Variants in TPP2 observed in about 807,000 individuals in gnomAD.
TPP2 encodes the protein tripeptidyl-peptidase 2.
In TPP2, 34 loss-of-function variants were observed where a neutral mutation model predicts 155.9. That is an observed-to-expected ratio of 0.22 (90% confidence interval 0.17 to 0.29). The LOEUF (loss-of-function observed/expected upper bound fraction) is 0.29, where lower values mean the gene tolerates loss of function less well. Among genes scored for constraint, TPP2 ranks in the 10% least tolerant of loss-of-function variants. The probability of loss-of-function intolerance (pLI) is 1.00; values close to 1 mark genes in which losing one functional copy is unlikely to be tolerated. For synonymous variants in TPP2, 510 were observed against 529.4 expected (o/e 0.96, Z 0.50); for missense variants, 1,028 against 1,522.3 (o/e 0.68, Z 5.40).
At chr13:102,628,266 T>C (rs1251441201) in intron 8 of TPP2, among the ~76,000 whole-genome samples, 1 of 152,108 alleles carries the variant, frequency 6.6e-6, no homozygotes, top group African/African-American at 2.4e-5. Flanking sequence ...ACTCTGGTGT[T>C]TTTTCACTGT....
rs550926952 is a variant in TPP2, at chr13:102,673,438, A to G, written c.3372-845A>G. 2.0e-5 allele frequency among the ~76,000 whole-genome samples: 3 copies of G among 152,376 alleles called. No individual in the cohort carries two copies. The East Asian group carries it at 5.8e-4, about 29-fold the overall frequency. On this transcript the variant is annotated intron_variant, in intron 27 of 29. Transcript: ENST00000376052. The stretch of plus-strand genomic sequence containing the variant: ...CACGTGTATCTGACATAAGTTGGAC[A>G]GAATGCCTCAAATAAGCACACATTC...
At chr13:102,641,421 A>G (rs1882761376) in intron 16 of TPP2, among the ~76,000 whole-genome samples, 1 of 152,190 alleles carries the variant, frequency 6.6e-6, no homozygotes, top group Non-Finnish European at 1.5e-5. Context: ...TCCCGTCAGA[A>G]CCCTATAAGG....
intron 19 of TPP2, among the ~76,000 whole-genome samples, chr13:102,646,038 G>C (rs953356649): frequency 2.6e-5 from 4 of 152,178 alleles, no homozygotes; most frequent in African/African-American, 9.7e-5. Context: ...GTTCACATTT[G>C]AAAATGTTTT....
intron 7 of TPP2, 40 bp downstream of exon 7, chr13:102,627,206 T>G: frequency 2.6e-6 from 4 of 1,513,532 alleles, no homozygotes; most frequent in Non-Finnish European, 3.5e-6. Flanking sequence ...GATTAATGAT[T>G]AATGATCTTG....
At chr13:102,667,418 A>C (rs894947909) in intron 27 of TPP2, among the ~76,000 whole-genome samples, 1 of 152,226 alleles carries the variant, frequency 6.6e-6, no homozygotes, top group African/African-American at 2.4e-5. Context: ...CATGAGCAAG[A>C]TAGTCTCTAC....
At position 102,596,988 on chromosome 13, in the gene TPP2, TCCGCGCGCAGCCTGG is replaced by T. The variant is rs1342388226; in HGVS notation, c.-49_-35del. 1 of 1,594,746 alleles carries T rather than the reference TCCGCGCGCAGCCTGG, an allele frequency of 6.3e-7. No homozygotes were observed. The highest frequency in any genetic ancestry group is 1.1e-5 in the South Asian group (1 of 89,990). ...CGCACGGGTGTCCTCGCGCTGCTAGTCCGCGCGCAGCCTGGCAGTTTGCCGCTTCCTCGTCCTCCA... is the reference window on the plus strand; with the variant it reads ...CGCACGGGTGTCCTCGCGCTGCTAGTCAGTTTGCCGCTTCCTCGTCCTCCA... On this transcript the variant is annotated 5_prime_UTR_variant, in exon 1 of 30. Coordinates refer to ENST00000376052, the MANE Select transcript of TPP2 (RefSeq NM_001330588.2).
Position 102,633,804 on chromosome 13 carries a change from C to T in TPP2, c.1245-146C>T, listed in dbSNP as rs541209212. 8 of 1,187,336 alleles carry T rather than the reference C, an allele frequency of 6.7e-6. No individual in the cohort carries two copies. The South Asian group carries it at 1.3e-4, about 20-fold the overall frequency. 73.6% of individuals were successfully genotyped at this position (1,187,336 alleles called of 1,614,324 possible). A position where few individuals can be genotyped will look rare whatever the true frequency, so the allele number is the denominator to read the frequency against. ...TGGGTGTTTTCCCCCATTGATTCTT[C>T]ATAGTAGTATCTGTGTCACTATTTG... On this transcript the variant is annotated intron_variant, in intron 10 of 29. Transcript: ENST00000376052.
chr13:102,627,579 C>G (rs1881719044), intron 7 of TPP2, among the ~76,000 whole-genome samples: 1 of 151,004 alleles, frequency 6.6e-6, no homozygotes, highest in East Asian at 1.9e-4. Context: ...TCCATTCCCT[C>G]TACCTCTGTC....
intron 5 of TPP2, among the ~76,000 whole-genome samples, chr13:102,621,013 GA>G (rs1202480774): frequency 1.3e-5 from 2 of 152,176 alleles, no homozygotes; most frequent in African/African-American, 4.8e-5. Context: ...CTCTGTGTAT[GA>G]GCCTCATTTT....
Position 102,636,293 on chromosome 13 carries a change from G to A in TPP2, c.1579G>A (p.Val527Ile), listed in dbSNP as rs1183480413. ...FANKLGFTVT[V>I]GNNRGIYLRD... ...TAATAAATTAGGTTTTACTGTTACT[G>A]TTGGAAATAACCGTGGCATCTACCT... is the stretch of plus-strand genomic sequence containing the variant. Residue 527 changes from valine (V) to isoleucine (I), a missense_variant, in exon 13 of 30, where the codon GTT becomes ATT. Physicochemically the swap from Val to Ile is conservative, Grantham distance 29. Transcript: ENST00000376052. 2 of 1,613,722 alleles carry A rather than the reference G, an allele frequency of 1.2e-6. No individual in the cohort carries two copies. The highest frequency in any genetic ancestry group is 1.7e-6 in the Non-Finnish European group (2 of 1,179,906).
At chr13:102,661,720 A>G (rs148341962) in intron 25 of TPP2, among the ~76,000 whole-genome samples, 219 of 152,308 alleles carry the variant, frequency 1.4e-3, no homozygotes, top group East Asian at 3.3e-3. Flanking sequence ...TCAAAATCAC[A>G]ATGAAATACA....
At chr13:102,652,125 C>T (rs1018419187) in intron 24 of TPP2, among the ~76,000 whole-genome samples, 6 of 152,048 alleles carry the variant, frequency 3.9e-5, no homozygotes, top group Non-Finnish European at 5.9e-5. Flanking sequence ...CCTGTAATCC[C>T]GGCACTTTGG....
rs1424568918 is a variant in TPP2, at chr13:102,678,595, A to G, written c.*279A>G. 1 of 289,550 alleles carries G rather than the reference A, an allele frequency of 3.5e-6. No individual in the cohort carries two copies. Among genetic ancestry groups the G allele is most frequent in the South Asian group, 6.3e-5 (1 of 15,846 alleles). 17.9% of individuals were successfully genotyped at this position (289,550 alleles called of 1,614,324 possible). A position where few individuals can be genotyped will look rare whatever the true frequency, so the allele number is the denominator to read the frequency against. The stretch of plus-strand genomic sequence containing the variant: ...AGGACTTCGAGTTGGGTTGCAGCTT[A>G]TGACATGCATGATAGGTTTTGGAAG... On this transcript the variant is annotated 3_prime_UTR_variant, in exon 30 of 30. Transcript: ENST00000376052.
chr13:102,636,192 T>A, intron 12 of TPP2, 32 bp from the exon 13 acceptor site: 1 of 1,558,086 alleles, frequency 6.4e-7, no homozygotes, highest in Non-Finnish European at 8.7e-7. Context: ...ACCCAACCAT[T>A]TATATCTTAC....
intron 25 of TPP2, among the ~76,000 whole-genome samples, chr13:102,661,997 A>G (rs1884260177): frequency 6.6e-6 from 1 of 152,218 alleles, no homozygotes; most frequent in Non-Finnish European, 1.5e-5. Flanking sequence ...AGCATTATTC[A>G]TAATGGCCAA....
Position 102,637,102 on chromosome 13 carries a change from C to T in TPP2, c.1699C>T (p.Leu567Phe), listed in dbSNP as rs757976248. Residue 567 changes from leucine to phenylalanine, a missense_variant, in exon 14 of 30, where the codon CTT (leucine) becomes TTT (phenylalanine). Transcript: ENST00000376052. ...GCCAGAAAACTCTGAAAAAATATCCCTTCAGCTTCATTTAGCTCTGACTTC... is the reference window on the plus strand; with the variant it reads ...GCCAGAAAACTCTGAAAAAATATCCTTTCAGCTTCATTTAGCTCTGACTTC... ...ENTENSEKIS[L>F]QLHLALTSNS... 5 of 1,602,506 alleles carry T rather than the reference C, an allele frequency of 3.1e-6. No homozygotes were observed. The South Asian group carries it at 3.4e-5, about 11-fold the overall frequency.
intron 27 of TPP2, among the ~76,000 whole-genome samples, chr13:102,670,688 G>A (rs183628103): frequency 3.9e-3 from 589 of 152,278 alleles, no homozygotes; most frequent in Middle Eastern, 0.024. Flanking sequence ...TGCCCTTTAG[G>A]ATAGAAACAG....
chr13:102,659,931 T>G (rs1363828842), intron 25 of TPP2, among the ~76,000 whole-genome samples: 1 of 152,214 alleles, frequency 6.6e-6, no homozygotes, highest in Non-Finnish European at 1.5e-5. Context: ...ATGTATTTGC[T>G]TATAGCACAA....
At chr13:102,604,509 C>A (rs551538901) in intron 1 of TPP2, among the ~76,000 whole-genome samples, 4 of 152,254 alleles carry the variant, frequency 2.6e-5, no homozygotes, top group East Asian at 1.9e-4. Context: ...GCGTATGGAT[C>A]ACTGCCATAT....
Sources: gnomAD v4.1 joint callset for allele counts (sites outside exome capture counted in the v4.1 genomes callset) on GRCh38, gnomAD v4.1.1 for gene constraint, MANE v1.5 for transcripts, NCBI Gene and HGNC (gene_info 2026-07-23, HGNC 2026-07-21) for gene names.